The following NME2 variants were observed in gnomAD, a reference collection of about 807,000 sequenced individuals.
The protein encoded by NME2 is nucleoside diphosphate kinase B.
Under a neutral mutation model 17.8 loss-of-function variants are expected in NME2, and 18 were observed. That is an observed-to-expected ratio of 1.01 (90% confidence interval 0.70 to 1.50). The LOEUF (loss-of-function observed/expected upper bound fraction) is 1.50, where lower values mean the gene tolerates loss of function less well. Ranked by LOEUF, NME2 falls within the 40% of genes most tolerant of loss-of-function variation. The probability of loss-of-function intolerance (pLI) is 0.00; values close to 1 mark genes in which losing one functional copy is unlikely to be tolerated. For missense variants in NME2, 161 were observed against 195.6 expected (o/e 0.82, Z 1.05); for synonymous variants, 74 against 71.4 (o/e 1.04, Z -0.19).
intron 4 of NME2, among the ~76,000 whole-genome samples, chr17:51,170,396 C>A (rs890295776): frequency 7.2e-5 from 11 of 151,798 alleles, no homozygotes; most frequent in Non-Finnish European, 1.3e-4. Flanking sequence ...TGCCTCGGCC[C>A]CCCAAGGTGC....
chr17:51,166,821 C>T lies in NME2; in HGVS notation c.-4-6C>T. ...CCGGGCCCTGACCGCACCTCTCGCC[C>T]CGCAGGACCATGGCCAACCTGGAGC... On this transcript the variant is annotated splice_polypyrimidine_tract_variant and splice_region_variant and intron_variant, in intron 1 of 4. Coordinates refer to ENST00000512737, the MANE Select transcript of NME2 (RefSeq NM_002512.4). 6.2e-7 allele frequency: 1 copy of T among 1,609,852 alleles called. No individual in the cohort carries two copies. The highest frequency in any genetic ancestry group is 1.1e-5 in the South Asian group (1 of 90,826).
At chr17:51,168,713 T>G (rs1172473642) in intron 3 of NME2, among the ~76,000 whole-genome samples, 1 of 151,520 alleles carries the variant, frequency 6.6e-6, no homozygotes, top group East Asian at 2.0e-4. Flanking sequence ...CAGGTACATG[T>G]CTCTATGGTT....
chr17:51,165,713 T>G, upstream of NME2: 1 of 151,354 alleles, frequency 6.6e-6, no homozygotes, highest in African/African-American at 2.4e-5. Flanking sequence ...AGGGTGGGAG[T>G]GGGGCGGCTG....
chr17:51,168,236 T>C lies in NME2; in HGVS notation c.127-6T>C, dbSNP rs373677367. The C allele has an allele frequency of 1.8e-5, 29 of 1,613,516 alleles. No homozygotes were observed. In the East Asian group the frequency reaches 2.0e-4, roughly 11 times the overall value. ...CTCCTAACTGGTGCCTCCTCTCCAA[T>C]GCCAGGCCTCTGAAGAACACCTGAA... On this transcript the variant is annotated splice_region_variant and splice_polypyrimidine_tract_variant and intron_variant, in intron 2 of 4. Transcript: ENST00000512737.
At position 51,171,467 on chromosome 17, in the gene NME2, G is replaced by A; in HGVS notation, c.342-20G>A. ...TTTGCACTTTAAAACATGGCAACTT[G>A]TAATTGTTTTCTTTCTTAGGAACAT... On this transcript the variant is annotated intron_variant, in intron 4 of 4. Transcript: ENST00000512737. 2 of 1,608,536 alleles carry A rather than the reference G, an allele frequency of 1.2e-6. No individual in the cohort carries two copies. The highest frequency in any genetic ancestry group is 1.7e-6 in the Non-Finnish European group (2 of 1,175,494).
At chr17:51,169,908 G>A in intron 3 of NME2, 29 bp from the exon 4 acceptor site, 2 of 1,609,800 alleles carry the variant, frequency 1.2e-6, no homozygotes, top group Non-Finnish European at 1.7e-6. Flanking sequence ...TGGCAGGTCT[G>A]ATTATAAATC....
chr17:51,168,968 A>C (rs992300623), intron 3 of NME2, among the ~76,000 whole-genome samples: 9 of 152,148 alleles, frequency 5.9e-5, no homozygotes, highest in African/African-American at 2.2e-4. Context: ...CTCAAAAAAA[A>C]ATAATACTCA....
At position 51,171,477 on chromosome 17, in the gene NME2, T is replaced by A. The variant is rs1461968782; in HGVS notation, c.342-10T>A. Reference sequence around the variant, plus strand: ...AAAACATGGCAACTTGTAATTGTTTTCTTTCTTAGGAACATCATTCATGGC... The same window carrying A: ...AAAACATGGCAACTTGTAATTGTTTACTTTCTTAGGAACATCATTCATGGC... On this transcript the variant is annotated splice_polypyrimidine_tract_variant and intron_variant, in intron 4 of 4. Transcript: ENST00000512737. The A allele has an allele frequency of 6.2e-7, 1 of 1,612,132 alleles. No individual in the cohort carries two copies. Among genetic ancestry groups the A allele is most frequent in the Admixed American group, 1.7e-5 (1 of 59,922 alleles).
chr17:51,166,764 G>C, intron 1 of NME2, 63 bp from the exon 2 acceptor site: 1 of 1,478,020 alleles, frequency 6.8e-7, no homozygotes, highest in East Asian at 2.9e-5. Flanking sequence ...CGGCGCCCAC[G>C]TGGCCTCCGC....
intron 3 of NME2, among the ~76,000 whole-genome samples, chr17:51,168,788 T>A (rs1437616003): frequency 6.6e-6 from 1 of 152,026 alleles, no homozygotes; most frequent in African/African-American, 2.4e-5. Flanking sequence ...CTCATGCCTG[T>A]AATCCCAGCG....
chr17:51,170,066 G>T lies in NME2; in HGVS notation c.341+17G>T, dbSNP rs1196987922. ...GGTTGGCAGGTAAGTCCGGGGACAG[G>T]AGGGTGGATGACTTTTATGCAACAC... On this transcript the variant is annotated intron_variant, in intron 4 of 4. Transcript: ENST00000512737. 1 of 1,593,900 alleles carries T rather than the reference G, an allele frequency of 6.3e-7. No homozygotes were observed. The highest frequency in any genetic ancestry group is 1.4e-5 in the African/African-American group (1 of 73,996).
chr17:51,171,670 C>A lies in NME2; in HGVS notation c.*66C>A. On this transcript the variant is annotated 3_prime_UTR_variant, in exon 5 of 5. Transcript: ENST00000512737. ...GTGTCCCTGGACACAGCTCTTCATT[C>A]CATTGACTTAGAGGCAACAGGATTG... The A allele has an allele frequency of 2.4e-6, 3 of 1,226,202 alleles. No individual in the cohort carries two copies. Among genetic ancestry groups the A allele is most frequent in the Non-Finnish European group, 3.6e-6 (3 of 844,416 alleles). The allele number at this position is 1,226,202 out of a possible 1,614,324, so 76.0% of individuals were successfully genotyped here.
In NME2 at chr17:51,168,272, A is replaced by G; in HGVS notation, c.157A>G (p.Ile53Val). 1 of 1,613,926 alleles carries G rather than the reference A, an allele frequency of 6.2e-7. No individual in the cohort carries two copies. Among genetic ancestry groups the G allele is most frequent in the Non-Finnish European group, 8.5e-7 (1 of 1,179,906 alleles). Residue 53 changes from isoleucine to valine, a missense_variant, in exon 3 of 5, where the codon ATT becomes GTT. By Grantham distance (29) the Ile-to-Val change is conservative (BLOSUM62 3). Coordinates refer to ENST00000512737, the MANE Select transcript of NME2 (RefSeq NM_002512.4). ...TGAAGAACACCTGAAGCAGCACTAC[A>G]TTGACCTGAAAGACCGACCATTCTT... ...ASEEHLKQHY[I>V]DLKDRPFFPG...
At position 51,166,763 on chromosome 17, in the gene NME2, C is replaced by T. The variant is rs911147655; in HGVS notation, c.-4-64C>T. 1.8e-5 allele frequency: 26 copies of T among 1,478,318 alleles called. No individual in the cohort carries two copies. The African/African-American group carries it at 2.9e-4, about 17-fold the overall frequency. The allele number at this position is 1,478,318 out of a possible 1,614,324, so 91.6% of individuals were successfully genotyped here. On this transcript the variant is annotated intron_variant, in intron 1 of 4. Transcript: ENST00000512737. The stretch of plus-strand genomic sequence containing the variant: ...GGGGAGGAGGGACCGGCGGCGCCCA[C>T]GTGGCCTCCGCGGGCCCCGCCAGAG...
chr17:51,167,087 C>T, intron 2 of NME2, 131 bp downstream of exon 2: 5 of 1,552,220 alleles, frequency 3.2e-6, no homozygotes, highest in Non-Finnish European at 4.3e-6. Context: ...CCTCTGCCCC[C>T]GCCCACGGCG....
chr17:51,167,212 C>G, intron 2 of NME2: 2 of 705,238 alleles, frequency 2.8e-6, no homozygotes, highest in Non-Finnish European at 4.2e-6. Context: ...GGGCCGCTAC[C>G]TGCCCACCCG....
rs2050034182 is a variant in NME2, at chr17:51,170,013, G to A, written c.305G>A (p.Gly102Asp). The change falls in exon 4 of 5, where the codon GGC (glycine) becomes GAC (aspartate). Residue 102 changes from glycine to aspartate, a missense_variant. By Grantham distance (94) the Gly-to-Asp change is moderately conservative (BLOSUM62 -1). Transcript: ENST00000512737. Reference sequence around the variant, plus strand: ...ACCAATCCAGCAGATTCAAAGCCAGGCACCATTCGTGGGGACTTCTGCATT... The same window carrying A: ...ACCAATCCAGCAGATTCAAAGCCAGACACCATTCGTGGGGACTTCTGCATT... ...GETNPADSKP[G>D]TIRGDFCIQV... is the part of the protein sequence containing the mutation. The A allele has an allele frequency of 1.2e-6, 2 of 1,612,902 alleles. No individual in the cohort carries two copies. The highest frequency in any genetic ancestry group is 1.7e-6 in the Non-Finnish European group (2 of 1,179,588).
chr17:51,166,726 C>G, intron 1 of NME2, 101 bp from the exon 2 acceptor site: 1 of 1,268,042 alleles, frequency 7.9e-7, no homozygotes, highest in African/African-American at 1.6e-5. Context: ...GTCCCCGCGG[C>G]CGCGCGTGGT....
In NME2 at chr17:51,166,568, G is replaced by T. The variant is rs541491035; in HGVS notation, c.-5+71G>T. Reference sequence around the variant, plus strand: ...CTTCCGCTTGCGCTGCCGCAGGTGGGCCCGGTCTGTGGGCGCCCCCCGATT... The same window carrying T: ...CTTCCGCTTGCGCTGCCGCAGGTGGTCCCGGTCTGTGGGCGCCCCCCGATT... On this transcript the variant is annotated intron_variant, in intron 1 of 4. Coordinates refer to ENST00000512737, the MANE Select transcript of NME2 (RefSeq NM_002512.4). 63 of 252,508 alleles carry T rather than the reference G, an allele frequency of 2.5e-4. 1 individual carries two copies. In the East Asian group the frequency reaches 4.7e-3, roughly 19 times the overall value. 15.6% of individuals were successfully genotyped at this position (252,508 alleles called of 1,614,324 possible).
Sources: allele counts gnomAD v4.1 joint callset (sites outside exome capture counted in the v4.1 genomes callset), GRCh38; gene constraint gnomAD v4.1.1; transcripts MANE v1.5; gene names NCBI Gene and HGNC (gene_info 2026-07-23, HGNC 2026-07-21).